CAMKMT: variants seen among roughly 807,000 people sequenced by gnomAD.
The protein encoded by CAMKMT is CaM KMT.
A neutral mutation model predicts 48.0 loss-of-function variants in CAMKMT; 53 were observed. That is an observed-to-expected ratio of 1.10 (90% CI 0.89 to 1.39). CAMKMT has a LOEUF of 1.39. CAMKMT is among the 40% of genes most tolerant of loss of function. The pLI is 0.00. For synonymous variants in CAMKMT, 165 were observed against 152.3 expected (o/e 1.08, Z -0.61); for missense variants, 428 against 402.7 (o/e 1.06, Z -0.54).
At chr2:44,529,605 G>C (rs984928190) in intron 3 of CAMKMT, among the ~76,000 whole-genome samples, 6 of 152,186 alleles carry the variant, frequency 3.9e-5, no homozygotes, top group African/African-American at 1.2e-4. Context: ...CAGCCATTCT[G>C]CAGCAGCCCT....
intron 3 of CAMKMT, among the ~76,000 whole-genome samples, chr2:44,605,918 G>A (rs758077421): frequency 2.0e-5 from 3 of 152,036 alleles, no homozygotes; most frequent in African/African-American, 2.4e-5. Flanking sequence ...AAATTCTATT[G>A]ATAGAATTAT....
intron 3 of CAMKMT, among the ~76,000 whole-genome samples, chr2:44,628,194 C>A (rs1024831668): frequency 9.2e-5 from 14 of 152,294 alleles, no homozygotes; most frequent in African/African-American, 3.4e-4. Flanking sequence ...GCAGTCCTCC[C>A]ACCTTGGGGT....
intron 3 of CAMKMT, among the ~76,000 whole-genome samples, chr2:44,670,139 ATTATC>A (rs2104122131): frequency 6.6e-6 from 1 of 152,284 alleles, no homozygotes; most frequent in Non-Finnish European, 1.5e-5. Flanking sequence ...ATGTGTTACA[ATTATC>A]TTCTCCCAGT....
chr2:44,642,607 A>G (rs564280849), intron 3 of CAMKMT, among the ~76,000 whole-genome samples: 14 of 152,058 alleles, frequency 9.2e-5, no homozygotes, highest in African/African-American at 3.4e-4. Flanking sequence ...ACTTTATGAG[A>G]AGTATCTGAC....
chr2:44,714,385 A>T (rs1256451281), intron 6 of CAMKMT, among the ~76,000 whole-genome samples: 1 of 152,178 alleles, frequency 6.6e-6, no homozygotes, highest in Non-Finnish European at 1.5e-5. Flanking sequence ...AGCTCCTGAA[A>T]ACATGTCTTC....
intron 3 of CAMKMT, among the ~76,000 whole-genome samples, chr2:44,659,989 A>G (rs955703662): frequency 6.6e-6 from 1 of 152,198 alleles, no homozygotes; most frequent in African/African-American, 2.4e-5. Flanking sequence ...TATGAGTTAT[A>G]TCTATCAATA....
chr2:44,592,891 C>G (rs1209832100), intron 3 of CAMKMT, among the ~76,000 whole-genome samples: 3 of 152,088 alleles, frequency 2.0e-5, no homozygotes, highest in African/African-American at 7.2e-5. Flanking sequence ...CTGTATTCAG[C>G]TCTATTGGGT....
At chr2:44,385,837 G>T (rs967955943) in intron 2 of CAMKMT, among the ~76,000 whole-genome samples, 2 of 152,178 alleles carry the variant, frequency 1.3e-5, no homozygotes, top group Non-Finnish European at 2.9e-5. Flanking sequence ...CTTGATCATG[G>T]TGGATTATCT....
At chr2:44,759,279 A>G (rs1680511144) in intron 9 of CAMKMT, among the ~76,000 whole-genome samples, 1 of 152,068 alleles carries the variant, frequency 6.6e-6, no homozygotes, top group African/African-American at 2.4e-5. Flanking sequence ...ATGCACCACC[A>G]TGCCTGGCTA....
At chr2:44,551,555 C>A (rs191448097) in intron 3 of CAMKMT, among the ~76,000 whole-genome samples, 2 of 152,190 alleles carry the variant, frequency 1.3e-5, no homozygotes, top group East Asian at 3.9e-4. Context: ...GGAGAGTTCC[C>A]AACAAAAAGA....
chr2:44,686,690 T>G (rs914435382), intron 3 of CAMKMT, among the ~76,000 whole-genome samples: 2 of 152,222 alleles, frequency 1.3e-5, no homozygotes, highest in Admixed American at 6.5e-5. Context: ...GAGCATTTTC[T>G]TAATCTTTCT....
At chr2:44,759,920 T>C (rs343942) in intron 9 of CAMKMT, among the ~76,000 whole-genome samples, 21,311 of 152,232 alleles carry the variant, frequency 0.14, 1,597 homozygotes, top group South Asian at 0.19. Flanking sequence ...AGCCCAGTGC[T>C]ATTTTTATTT....
chr2:44,506,877 A>G (rs758749934), intron 3 of CAMKMT, among the ~76,000 whole-genome samples: 16 of 152,122 alleles, frequency 1.1e-4, no homozygotes, highest in Non-Finnish European at 1.8e-4. Flanking sequence ...TTATCTTGCA[A>G]ATTTATGCTG....
intron 7 of CAMKMT, among the ~76,000 whole-genome samples, chr2:44,724,478 A>G (rs1020073481): frequency 7.9e-5 from 12 of 152,294 alleles, no homozygotes; most frequent in Admixed American, 1.3e-4. Context: ...CCGACATTTG[A>G]ACAATCTGAC....
intron 3 of CAMKMT, among the ~76,000 whole-genome samples, chr2:44,448,811 C>A (rs950285660): frequency 6.6e-6 from 1 of 152,068 alleles, no homozygotes; most frequent in Non-Finnish European, 1.5e-5. Flanking sequence ...GAATATTTTT[C>A]AGCAATAAAA....
intron 3 of CAMKMT, among the ~76,000 whole-genome samples, chr2:44,667,012 G>T (rs1288267681): frequency 1.3e-5 from 2 of 152,144 alleles, no homozygotes; most frequent in Non-Finnish European, 2.9e-5. Flanking sequence ...CAGCAGTCTG[G>T]TCATATATTG....
rs539352199 is a variant in CAMKMT, at chr2:44,602,814, T to C, written c.377-101469T>C. ...CACGATCCAGTGACCTCCCACCAGGTCCCTCCCCTGACACCTGGGGATTAC... is the reference window on the plus strand; with the variant it reads ...CACGATCCAGTGACCTCCCACCAGGCCCCTCCCCTGACACCTGGGGATTAC... On this transcript the variant is annotated intron_variant, in intron 3 of 10. Coordinates refer to ENST00000378494, the MANE Select transcript of CAMKMT (RefSeq NM_024766.5). Among the ~76,000 whole-genome samples, 351 of 152,072 alleles carry C rather than the reference T, an allele frequency of 2.3e-3. 1 individual carries two copies. The highest frequency in any genetic ancestry group is 4.1e-3 in the Non-Finnish European group (279 of 68,000).
intron 3 of CAMKMT, among the ~76,000 whole-genome samples, chr2:44,457,472 C>T (rs1207854660): frequency 6.6e-6 from 1 of 150,502 alleles, no homozygotes; most frequent in African/African-American, 2.5e-5. Flanking sequence ...GATCTTGGCT[C>T]ACTGCAACCT....
intron 9 of CAMKMT, among the ~76,000 whole-genome samples, chr2:44,754,704 C>T (rs1245065002): frequency 1.3e-5 from 2 of 152,058 alleles, no homozygotes; most frequent in Non-Finnish European, 2.9e-5. Flanking sequence ...ATTTATATAT[C>T]CATTTATGCC....
Sources: gnomAD v4.1 joint callset for allele counts (sites outside exome capture counted in the v4.1 genomes callset) on GRCh38, gnomAD v4.1.1 for gene constraint, MANE v1.5 for transcripts, NCBI Gene and HGNC (gene_info 2026-07-23, HGNC 2026-07-21) for gene names.